Variants in MPRIP observed in about 807,000 individuals in gnomAD.
The protein encoded by MPRIP is myosin phosphatase Rho interacting protein.
Under a neutral mutation model 234.9 loss-of-function variants are expected in MPRIP, and 59 were observed. The observed-to-expected ratio is 0.25, with a 90% CI of 0.20 to 0.31. MPRIP has a LOEUF of 0.31. Among genes scored for constraint, MPRIP ranks in the 10% least tolerant of loss-of-function variants. The pLI is 1.00. For synonymous variants in MPRIP, 1,144 were observed against 1,263.9 expected (o/e 0.91, Z 2.01); for missense variants, 2,436 against 3,071.0 (o/e 0.79, Z 4.89).
intron 3 of MPRIP, among the ~76,000 whole-genome samples, chr17:17,085,689 A>C (rs147826831): frequency 0.045 from 6,818 of 152,272 alleles, 477 homozygotes; most frequent in African/African-American, 0.14. Context: ...CGAGGCGAGC[A>C]GATCACGAGG....
chr17:17,115,549 G>A (rs755282621), intron 3 of MPRIP, among the ~76,000 whole-genome samples: 1 of 152,180 alleles, frequency 6.6e-6, no homozygotes, highest in African/African-American at 2.4e-5. Context: ...GTTCTGTTTT[G>A]TTTTGTTTGA....
At chr17:17,117,813 A>G (rs2090315253) in intron 3 of MPRIP, among the ~76,000 whole-genome samples, 1 of 152,220 alleles carries the variant, frequency 6.6e-6, no homozygotes, top group Non-Finnish European at 1.5e-5. Context: ...CCACTTTACA[A>G]TCAAAACGAG....
chr17:17,167,894 G>A lies in MPRIP; in HGVS notation c.6303G>A (p.Gln2101=). ...GDAATLREKY[Q]RDLESLKATC... is the part of the protein sequence containing the mutation. Reference sequence around the variant, plus strand: ...CGGCCACACTGCGTGAGAAGTACCAGAGGGACTTGGAGAGCCTTAAGGTCT... The same window carrying A: ...CGGCCACACTGCGTGAGAAGTACCAAAGGGACTTGGAGAGCCTTAAGGTCT... Residue 2101 remains glutamine, a synonymous_variant, in exon 16 of 24, where the codon CAG becomes CAA. Coordinates refer to ENST00000651222, the MANE Select transcript of MPRIP (RefSeq NM_001364716.4). The surrounding 1 kb of genome is among the most constrained non-coding windows in gnomAD (Gnocchi z 5.9). 7.7e-7 allele frequency: 1 copy of A among 1,303,734 alleles called. No individual in the cohort carries two copies. The highest frequency in any genetic ancestry group is 1.0e-6 in the Non-Finnish European group (1 of 988,868). The allele number at this position is 1,303,734 out of a possible 1,614,324, so 80.8% of individuals were successfully genotyped here. A position where few individuals can be genotyped will look rare whatever the true frequency, so the allele number is the denominator to read the frequency against.
chr17:17,047,071 C>T (rs1444519595), intron 1 of MPRIP, among the ~76,000 whole-genome samples: 4 of 152,090 alleles, frequency 2.6e-5, no homozygotes, highest in Non-Finnish European at 5.9e-5. Context: ...CCAGCTACTC[C>T]TTGGGAGGCT....
chr17:17,145,500 T>C (rs966740454), intron 9 of MPRIP, among the ~76,000 whole-genome samples: 83 of 152,336 alleles, frequency 5.4e-4, no homozygotes, highest in Admixed American at 1.3e-3. Flanking sequence ...GCCATCCTGC[T>C]TCTTGTGGGG....
chr17:17,048,662 G>C (rs772520849), intron 1 of MPRIP, among the ~76,000 whole-genome samples: 1 of 152,062 alleles, frequency 6.6e-6, no homozygotes, highest in Non-Finnish European at 1.5e-5. Flanking sequence ...AGGATGGCTA[G>C]AATTAAAAAA....
Position 17,164,876 on chromosome 17 carries a change from G to A in MPRIP, c.3285G>A (p.Arg1095=). The A allele has an allele frequency of 7.7e-7, 1 of 1,303,936 alleles. No homozygotes were observed. Among genetic ancestry groups the A allele is most frequent in the Non-Finnish European group, 1.0e-6 (1 of 988,820 alleles). 80.8% of individuals were successfully genotyped at this position (1,303,936 alleles called of 1,614,324 possible). A position where few individuals can be genotyped will look rare whatever the true frequency, so the allele number is the denominator to read the frequency against. The part of the protein sequence containing the change: ...QLEAREASVR[R]LAEHVQSLCD... ...AGGCACGAGAGGCCAGCGTGCGCAG[G>A]CTCGCAGAGCACGTGCAGAGCCTCT... The change falls in exon 16 of 24, where the codon AGG becomes AGA. Residue 1095 remains arginine, a synonymous_variant. Transcript: ENST00000651222.
At chr17:17,147,277 A>G (rs2045490534) in intron 10 of MPRIP, 42 bp from the exon 11 acceptor site, 4 of 1,585,530 alleles carry the variant, frequency 2.5e-6, no homozygotes, top group Non-Finnish European at 3.5e-6. Flanking sequence ...CATGCTGTAT[A>G]GGAGTTGGTA....
intron 3 of MPRIP, chr17:17,097,090 C>T (rs2089864216): frequency 5.1e-6 from 1 of 195,774 alleles, no homozygotes; most frequent in Non-Finnish European, 1.1e-5. Context: ...ATGCAAAAGG[C>T]AGGATCAGCC....
chr17:17,078,174 G>T lies in MPRIP; in HGVS notation c.267+98G>T. ...TCATGTGAGAGCACAGCAGCCATGT[G>T]CTCCTGCTTGTGTCTGTTTGGGAGT... On this transcript the variant is annotated intron_variant, in intron 3 of 23. Coordinates refer to ENST00000651222, the MANE Select transcript of MPRIP (RefSeq NM_001364716.4). This position sits in a 1 kb window ranked among gnomAD's most constrained non-coding sequence, Gnocchi z 4.3. The T allele has an allele frequency of 8.0e-7, 1 of 1,252,584 alleles. No individual in the cohort carries two copies. Among genetic ancestry groups the T allele is most frequent in the Non-Finnish European group, 1.2e-6 (1 of 861,170 alleles). The allele number at this position is 1,252,584 out of a possible 1,614,324, so 77.6% of individuals were successfully genotyped here. A position where few individuals can be genotyped will look rare whatever the true frequency, so the allele number is the denominator to read the frequency against.
At chr17:17,149,920 C>T (rs2045562613) in intron 11 of MPRIP, 2 of 428,246 alleles carry the variant, frequency 4.7e-6, no homozygotes, top group South Asian at 3.1e-5. Flanking sequence ...TTGAGGACCA[C>T]TGGCGTGGAC....
At chr17:17,157,867 C>T (rs2144591805) in intron 13 of MPRIP, among the ~76,000 whole-genome samples, 1 of 152,042 alleles carries the variant, frequency 6.6e-6, no homozygotes, top group East Asian at 1.9e-4. Flanking sequence ...GATCACGTTA[C>T]CTGCTTATTA....
At chr17:17,172,628 TCCCCAC>T in intron 17 of MPRIP, 64 bp from the exon 18 acceptor site, 2 of 1,263,154 alleles carry the variant, frequency 1.6e-6, no homozygotes, top group Non-Finnish European at 2.3e-6. Flanking sequence ...TGTGTGGAGC[TCCCCAC>T]CCCCACCCCT....
intron 4 of MPRIP, among the ~76,000 whole-genome samples, 198 bp downstream of exon 4, chr17:17,127,051 C>T (rs1438402557): frequency 1.3e-5 from 2 of 152,206 alleles, no homozygotes; most frequent in South Asian, 2.1e-4. Flanking sequence ...CACCTGCAGC[C>T]TCTGGGGCCC....
intron 3 of MPRIP, among the ~76,000 whole-genome samples, chr17:17,103,814 G>A (rs1439264823): frequency 6.6e-6 from 1 of 152,146 alleles, no homozygotes; most frequent in Non-Finnish European, 1.5e-5. Context: ...ATGGCCCTTC[G>A]CACATGATTT....
At position 17,165,090 on chromosome 17, in the gene MPRIP, G is replaced by A. The variant is rs1382103948; in HGVS notation, c.3499G>A (p.Glu1167Lys). ...QSMHTLLREKEEELERIKEAH... is the reference protein window; with the variant it reads ...QSMHTLLREKKEELERIKEAH... ...CATGCACACTCTGCTGAGAGAGAAGGAGGAAGAGCTGGAGCGCATTAAGGA... is the reference window on the plus strand; with the variant it reads ...CATGCACACTCTGCTGAGAGAGAAGAAGGAAGAGCTGGAGCGCATTAAGGA... The change falls in exon 16 of 24, where the codon GAG (glutamate) becomes AAG (lysine). Residue 1167 changes from glutamate (E) to lysine (K), a missense_variant. Glu to Lys is a moderately conservative substitution (Grantham distance 56, BLOSUM62 1). Transcript: ENST00000651222. The A allele has an allele frequency of 7.7e-7, 1 of 1,303,806 alleles. No individual in the cohort carries two copies. The highest frequency in any genetic ancestry group is 2.3e-5 in the Admixed American group (1 of 43,568). The allele number at this position is 1,303,806 out of a possible 1,614,324, so 80.8% of individuals were successfully genotyped here. A position where few individuals can be genotyped will look rare whatever the true frequency, so the allele number is the denominator to read the frequency against.
intron 5 of MPRIP, among the ~76,000 whole-genome samples, chr17:17,133,522 G>A (rs2090637384): frequency 1.3e-5 from 2 of 152,214 alleles, no homozygotes; most frequent in African/African-American, 4.8e-5. Flanking sequence ...AGAGCACCTG[G>A]AGAGGCGAGA....
chr17:17,143,496 G>A (rs1040985254), intron 8 of MPRIP, 60 bp from the exon 9 acceptor site: 13 of 1,163,150 alleles, frequency 1.1e-5, no homozygotes, highest in African/African-American at 9.6e-5. Flanking sequence ...GCACCAGCTC[G>A]TCCCTCACAT....
rs2088224964 is a variant in MPRIP, at chr17:17,042,974, G to C, written c.123+3G>C. On this transcript the variant is annotated splice_donor_region_variant and intron_variant, in intron 1 of 23. Transcript: ENST00000651222. Reference sequence around the variant, plus strand: ...TCAACGACGAGGACCTGACGCAGGTGAGCGACTGGGGCCGGCCCGGACACC... The same window carrying C: ...TCAACGACGAGGACCTGACGCAGGTCAGCGACTGGGGCCGGCCCGGACACC... 6.2e-7 allele frequency: 1 copy of C among 1,609,496 alleles called. No homozygotes were observed.
Sources: allele counts gnomAD v4.1 joint callset (sites outside exome capture counted in the v4.1 genomes callset), GRCh38; gene constraint gnomAD v4.1.1; non-coding constraint Gnocchi (gnomAD v3.1); transcripts MANE v1.5; gene names NCBI Gene and HGNC (gene_info 2026-07-23, HGNC 2026-07-21).